MEI4: variants seen among roughly 807,000 people sequenced by gnomAD.
The protein encoded by MEI4 is meiosis-specific protein MEI4.
MEI4 carries 27 observed loss-of-function variants against 31.4 expected under a neutral mutation model. The observed-to-expected ratio is 0.86, with a 90% CI of 0.63 to 1.19. The LOEUF (loss-of-function observed/expected upper bound fraction) is 1.19. Among genes scored for constraint, MEI4 ranks in the 50% most tolerant of loss-of-function variants. The pLI, the probability that MEI4 is intolerant of heterozygous loss-of-function variation, is 0.00. For missense variants in MEI4, 329 were observed against 398.9 expected (o/e 0.82, Z 1.49); for synonymous variants, 122 against 145.4 (o/e 0.84, Z 1.16).
At chr6:77,749,502 T>G (rs140723743) in intron 2 of MEI4, among the ~76,000 whole-genome samples, 1 of 151,688 alleles carries the variant, frequency 6.6e-6, no homozygotes, top group Non-Finnish European at 1.5e-5. Flanking sequence ...ATCGATCAAG[T>G]GGAAGAAAGG....
chr6:77,665,908 GTAGGTGGATCTTTC>G (rs1355640983), intron 1 of MEI4, among the ~76,000 whole-genome samples: 4 of 152,122 alleles, frequency 2.6e-5, no homozygotes, highest in African/African-American at 9.7e-5. Context: ...ACCTGAGGTC[GTAGGTGGATCTTTC>G]TCATGGAGCA....
intron 3 of MEI4, among the ~76,000 whole-genome samples, chr6:77,793,437 A>G (rs1768992386): frequency 6.6e-6 from 1 of 152,220 alleles, no homozygotes; most frequent in Non-Finnish European, 1.5e-5. Flanking sequence ...AACAAGATGA[A>G]AATACATGAA....
Position 77,761,434 on chromosome 6 carries a change from C to G in MEI4, c.537C>G (p.Asp179Glu). The G allele has an allele frequency of 8.1e-7, 1 of 1,232,104 alleles. No homozygotes were observed. The highest frequency in any genetic ancestry group is 4.1e-5 in the South Asian group (1 of 24,326). The allele number at this position is 1,232,104 out of a possible 1,614,324, so 76.3% of individuals were successfully genotyped here. The part of the protein sequence containing the change: ...LKRDLTHFEK[D>E]SSTVSDSVFQ... ...GAGACTTAACCCACTTTGAAAAAGA[C>G]TCTTCCACAGTCTCTGATTCTGTTT... is the stretch of plus-strand genomic sequence containing the variant. The change falls in exon 3 of 5, where the codon GAC becomes GAG. Residue 179 changes from aspartate to glutamate, a missense_variant. Physicochemically the swap from Asp to Glu is conservative, Grantham distance 45 (BLOSUM62 2). Transcript: ENST00000684080.
intron 4 of MEI4, among the ~76,000 whole-genome samples, chr6:77,865,943 G>T (rs1348666827): frequency 1.3e-5 from 2 of 152,024 alleles, no homozygotes; most frequent in African/African-American, 2.4e-5. Context: ...AGCAATAAAC[G>T]TAATCCAGCA....
intron 4 of MEI4, among the ~76,000 whole-genome samples, chr6:77,832,206 G>A (rs1770100210): frequency 6.6e-6 from 1 of 151,928 alleles, no homozygotes; most frequent in South Asian, 2.1e-4. Flanking sequence ...TATACTCAGT[G>A]TTTTAGCTCA....
chr6:77,753,928 A>AG (rs1206944293), intron 2 of MEI4, among the ~76,000 whole-genome samples: 2 of 152,208 alleles, frequency 1.3e-5, no homozygotes, highest in Admixed American at 6.5e-5. Flanking sequence ...GCCATGAAAA[A>AG]GGATGAGTTC....
intron 2 of MEI4, among the ~76,000 whole-genome samples, chr6:77,705,152 G>T (rs1306996379): frequency 6.6e-6 from 1 of 152,080 alleles, no homozygotes; most frequent in African/African-American, 2.4e-5. Context: ...GTTGATTCTT[G>T]TTCTAGGAGA....
At chr6:77,754,553 AC>A (rs1356598940) in intron 2 of MEI4, among the ~76,000 whole-genome samples, 4 of 152,170 alleles carry the variant, frequency 2.6e-5, no homozygotes, top group Non-Finnish European at 5.9e-5. Context: ...TCTGCCTGTT[AC>A]CCAGTTTCAA....
At chr6:77,752,467 AACAG>A (rs1322798631) in intron 2 of MEI4, among the ~76,000 whole-genome samples, 1 of 152,128 alleles carries the variant, frequency 6.6e-6, no homozygotes, top group Non-Finnish European at 1.5e-5. Flanking sequence ...ATACACCAAG[AACAG>A]ACAGAGAGCC....
intron 1 of MEI4, among the ~76,000 whole-genome samples, chr6:77,680,988 A>G (rs1286299127): frequency 6.6e-6 from 1 of 152,220 alleles, no homozygotes; most frequent in Non-Finnish European, 1.5e-5. Flanking sequence ...TAGAAAAAAA[A>G]TCAGTTTCCT....
intron 4 of MEI4, among the ~76,000 whole-genome samples, chr6:77,865,298 T>G (rs1341961139): frequency 6.6e-6 from 1 of 152,170 alleles, no homozygotes; most frequent in East Asian, 1.9e-4. Context: ...CAGGAGCTGG[T>G]TTTTTGAAAA....
intron 2 of MEI4, among the ~76,000 whole-genome samples, chr6:77,695,089 C>T (rs550344055): frequency 1.2e-4 from 18 of 152,236 alleles, no homozygotes; most frequent in African/African-American, 2.2e-4. Context: ...TCGTATCCTT[C>T]GCCCACTTTT....
intron 4 of MEI4, among the ~76,000 whole-genome samples, chr6:77,843,477 A>G (rs1770411285): frequency 6.6e-6 from 1 of 151,912 alleles, no homozygotes; most frequent in African/African-American, 2.4e-5. Context: ...TCAAAGCCAT[A>G]GACCATTTGA....
intron 4 of MEI4, among the ~76,000 whole-genome samples, chr6:77,860,621 A>G (rs531782483): frequency 6.6e-6 from 1 of 152,280 alleles, no homozygotes; most frequent in African/African-American, 2.4e-5. Flanking sequence ...GAGAGTTTTT[A>G]CTTTGTATTT....
At chr6:77,759,851 T>A (rs1768004238) in intron 2 of MEI4, among the ~76,000 whole-genome samples, 1 of 152,186 alleles carries the variant, frequency 6.6e-6, no homozygotes, top group Non-Finnish European at 1.5e-5. Flanking sequence ...AATAGAATGA[T>A]GAAATTAAAA....
chr6:77,776,708 T>G (rs1768450899), intron 3 of MEI4, among the ~76,000 whole-genome samples: 1 of 152,116 alleles, frequency 6.6e-6, no homozygotes, highest in Non-Finnish European at 1.5e-5. Context: ...CCTCTGTAGT[T>G]TCTGGATTTC....
At chr6:77,853,804 A>C (rs1770688816) in intron 4 of MEI4, among the ~76,000 whole-genome samples, 1 of 152,240 alleles carries the variant, frequency 6.6e-6, no homozygotes, top group African/African-American at 2.4e-5. Flanking sequence ...TAGGAAGTAC[A>C]GTCTAAAAAA....
At chr6:77,831,256 G>A (rs556438694) in intron 4 of MEI4, among the ~76,000 whole-genome samples, 7 of 151,746 alleles carry the variant, frequency 4.6e-5, no homozygotes, top group Admixed American at 3.3e-4. Flanking sequence ...AGTAACAAAT[G>A]TTAGTGAGGA....
chr6:77,761,826 C>T (rs964309629), intron 3 of MEI4, among the ~76,000 whole-genome samples, 161 bp downstream of exon 3: 2 of 152,280 alleles, frequency 1.3e-5, no homozygotes. Context: ...ATGATGTCTC[C>T]ACTTCTAGCC....
Sources: allele counts gnomAD v4.1 joint callset (sites outside exome capture counted in the v4.1 genomes callset), GRCh38; gene constraint gnomAD v4.1.1; transcripts MANE v1.5; gene names NCBI Gene and HGNC (gene_info 2026-07-23, HGNC 2026-07-21).